Variants in RMND1 observed in about 807,000 individuals in gnomAD.
RMND1 encodes the protein required for meiotic nuclear division protein 1 homolog.
In RMND1, 41 loss-of-function variants were observed where a neutral mutation model predicts 54.0. That is an observed-to-expected ratio of 0.76 (90% confidence interval 0.59 to 0.98). The LOEUF is 0.98. Ranked by LOEUF, RMND1 falls within the 50% of genes least tolerant of loss-of-function variation. RMND1 has a pLI of 0.00. For synonymous variants in RMND1, 183 were observed against 181.7 expected, an observed-to-expected ratio of 1.01 and a Z score of -0.06; for missense variants, 457 against 532.0, an observed-to-expected ratio of 0.86 and a Z score of 1.39.
At chr6:151,426,334 T>A (rs1432533236) in intron 6 of RMND1, among the ~76,000 whole-genome samples, 3 of 152,188 alleles carry the variant, frequency 2.0e-5, no homozygotes, top group African/African-American at 7.2e-5. Flanking sequence ...ATCTTGTTCA[T>A]ACTGCCTCTG....
At chr6:151,451,620 G>A (rs991817989) in intron 1 of RMND1, among the ~76,000 whole-genome samples, 2 of 152,224 alleles carry the variant, frequency 1.3e-5, no homozygotes, top group African/African-American at 2.4e-5. Flanking sequence ...GCATTCGATC[G>A]AATTTTTAAA....
At chr6:151,444,624 A>G (rs1582969580) in intron 2 of RMND1, 1 of 132,318 alleles carries the variant, frequency 7.6e-6, no homozygotes, top group East Asian at 2.0e-4. Flanking sequence ...TTTAAAGTTG[A>G]TGACTATCGG....
Position 151,427,461 on chromosome 6 carries a change from AT to A in RMND1, c.830+20del, listed in dbSNP as rs1562791998. On this transcript the variant is annotated intron_variant, in intron 6 of 11. Transcript: ENST00000444024. ...TTTATTCCAAGTGCCCCTTTCATAA[AT>A]TTGATGAAAAGTTGCTTACTCTATT... 2 of 1,443,442 alleles carry A rather than the reference AT, an allele frequency of 1.4e-6. No individual in the cohort carries two copies. The highest frequency in any genetic ancestry group is 9.7e-7 in the Non-Finnish European group (1 of 1,027,632). The allele number at this position is 1,443,442 out of a possible 1,614,324, so 89.4% of individuals were successfully genotyped here.
chr6:151,407,768 T>G (rs894191046), intron 10 of RMND1, among the ~76,000 whole-genome samples: 3 of 151,728 alleles, frequency 2.0e-5, no homozygotes, highest in Non-Finnish European at 4.4e-5. Context: ...ATTATCCGGG[T>G]GTTGTGGCGG....
chr6:151,426,503 C>T (rs544104861), intron 6 of RMND1, among the ~76,000 whole-genome samples: 36 of 152,212 alleles, frequency 2.4e-4, no homozygotes, highest in African/African-American at 7.7e-4. Context: ...TGACCCCTCA[C>T]TATACTTCCT....
chr6:151,449,827 T>TGGAGACGGGG (rs1781081171), intron 1 of RMND1, among the ~76,000 whole-genome samples: 3 of 152,228 alleles, frequency 2.0e-5, no homozygotes, highest in African/African-American at 7.2e-5. Flanking sequence ...TTTCGTACTT[T>TGGAGACGGGG]TTTGGTGGAG....
rs958061423 is a variant in RMND1 at position 151,405,068 on chromosome 6, C to T, written c.*167G>A. Reference sequence around the variant, plus strand: ...ATTTTTAGTAGAGATGGGGTTTCACCATGTTGGCCAGGCTTGTCTTGAGCT... The same window carrying T: ...ATTTTTAGTAGAGATGGGGTTTCACTATGTTGGCCAGGCTTGTCTTGAGCT... On this transcript the variant is annotated 3_prime_UTR_variant, in exon 12 of 12. Coordinates refer to ENST00000444024, the MANE Select transcript of RMND1 (RefSeq NM_017909.4). 6 of 565,730 alleles carry T rather than the reference C, an allele frequency of 1.1e-5. No individual in the cohort carries two copies. Among genetic ancestry groups the T allele is most frequent in the Non-Finnish European group, 1.9e-5 (6 of 320,624 alleles). 35.0% of individuals were successfully genotyped at this position (565,730 alleles called of 1,614,324 possible).
At chr6:151,439,301 A>T (rs763559486) in intron 2 of RMND1, among the ~76,000 whole-genome samples, 13 of 152,228 alleles carry the variant, frequency 8.5e-5, no homozygotes, top group Non-Finnish European at 1.8e-4. Flanking sequence ...AAAAGCTTTG[A>T]ATTTCACCAG....
intron 5 of RMND1, among the ~76,000 whole-genome samples, chr6:151,429,095 G>A (rs1780383338): frequency 6.7e-6 from 1 of 149,290 alleles, no homozygotes; most frequent in Non-Finnish European, 1.5e-5. Context: ...CCAGTTCTGA[G>A]ATTATATTGG....
intron 1 of RMND1, among the ~76,000 whole-genome samples, chr6:151,450,620 G>A (rs1384080625): frequency 4.9e-5 from 7 of 143,800 alleles, no homozygotes; most frequent in Non-Finnish European, 1.1e-4. Context: ...CCGTCCGGGA[G>A]GTGAGGGGCG....
intron 4 of RMND1, among the ~76,000 whole-genome samples, chr6:151,430,639 T>G (rs1387537357): frequency 2.0e-5 from 3 of 152,224 alleles, no homozygotes; most frequent in Non-Finnish European, 4.4e-5. Context: ...TAAAGGCCTC[T>G]ATGGAATAAT....
chr6:151,430,029 G>A, intron 5 of RMND1, 109 bp downstream of exon 5: 1 of 693,360 alleles, frequency 1.4e-6, no homozygotes, highest in Non-Finnish European at 2.6e-6. Flanking sequence ...GAGCAAATAA[G>A]TTGTGCATAA....
At chr6:151,426,683 T>G (rs1780305155) in intron 6 of RMND1, among the ~76,000 whole-genome samples, 1 of 152,232 alleles carries the variant, frequency 6.6e-6, no homozygotes, top group South Asian at 2.1e-4. Flanking sequence ...TGTTTTAACT[T>G]GTGGATAGCC....
intron 2 of RMND1, among the ~76,000 whole-genome samples, chr6:151,442,344 T>C (rs1414551295): frequency 6.6e-6 from 1 of 152,170 alleles, no homozygotes; most frequent in Non-Finnish European, 1.5e-5. Flanking sequence ...ATGTATTCTG[T>C]TATTTTCTAT....
chr6:151,436,171 T>A, intron 3 of RMND1: 1 of 277,990 alleles, frequency 3.6e-6, no homozygotes, highest in Non-Finnish European at 6.9e-6. Flanking sequence ...AACTTCTTAA[T>A]GTGCTAGAAA....
At chr6:151,431,758 GATA>G (rs1425958664) in intron 4 of RMND1, among the ~76,000 whole-genome samples, 2 of 152,098 alleles carry the variant, frequency 1.3e-5, no homozygotes, top group Non-Finnish European at 2.9e-5. Context: ...ATGTTGAAAT[GATA>G]ATATTTTAGA....
chr6:151,417,435 T>C, intron 9 of RMND1, 36 bp from the exon 10 acceptor site: 1 of 1,473,054 alleles, frequency 6.8e-7, no homozygotes, highest in Non-Finnish European at 9.2e-7. Flanking sequence ...TTATTTATCT[T>C]GAATTAAAAA....
At position 151,427,466 on chromosome 6, in the gene RMND1, A is replaced by G; in HGVS notation, c.830+16T>C. The G allele has an allele frequency of 6.7e-7, 1 of 1,484,262 alleles. No individual in the cohort carries two copies. Among genetic ancestry groups the G allele is most frequent in the African/African-American group, 1.4e-5 (1 of 71,928 alleles). 91.9% of individuals were successfully genotyped at this position (1,484,262 alleles called of 1,614,324 possible). A position where few individuals can be genotyped will look rare whatever the true frequency, so the allele number is the denominator to read the frequency against. On this transcript the variant is annotated intron_variant, in intron 6 of 11. Transcript: ENST00000444024. ...TCCAAGTGCCCCTTTCATAAATTTGATGAAAAGTTGCTTACTCTATTTTTA... is the reference window on the plus strand; with the variant it reads ...TCCAAGTGCCCCTTTCATAAATTTGGTGAAAAGTTGCTTACTCTATTTTTA...
intron 10 of RMND1, among the ~76,000 whole-genome samples, chr6:151,412,096 G>A (rs1416332383): frequency 6.6e-6 from 1 of 152,008 alleles, no homozygotes; most frequent in African/African-American, 2.4e-5. Context: ...GCCCCCCTTA[G>A]GTTCAAGCGA....
Sources: gnomAD v4.1 joint callset for allele counts (sites outside exome capture counted in the v4.1 genomes callset) on GRCh38, gnomAD v4.1.1 for gene constraint, MANE v1.5 for transcripts, NCBI Gene and HGNC (gene_info 2026-07-23, HGNC 2026-07-21) for gene names.